Variants in LGI1 observed in about 807,000 individuals in gnomAD.
LGI1 encodes leucine-rich glioma-inactivated protein 1.
Under a neutral mutation model 57.7 loss-of-function variants are expected in LGI1, and 11 were observed. The ratio of observed to expected loss-of-function variants is 0.19; its 90% CI spans 0.12 to 0.32. LGI1 has a LOEUF of 0.32. Among genes scored for constraint, LGI1 ranks in the 10% least tolerant of loss-of-function variants. The pLI, the probability that LGI1 is intolerant of heterozygous loss-of-function variation, is 1.00. For missense variants in LGI1, 422 were observed against 661.9 expected, an observed-to-expected ratio of 0.64 and a Z score of 3.98; for synonymous variants, 222 against 241.9, an observed-to-expected ratio of 0.92 and a Z score of 0.76.
Position 93,796,963 on chromosome 10 carries a change from C to T in LGI1, c.839-5C>T, listed in dbSNP as rs1455948124. The T allele has an allele frequency of 6.2e-7, 1 of 1,608,466 alleles. No homozygotes were observed. Among genetic ancestry groups the T allele is most frequent in the South Asian group, 1.1e-5 (1 of 90,962 alleles). On this transcript the variant is annotated splice_region_variant and splice_polypyrimidine_tract_variant and intron_variant, in intron 7 of 7. Transcript: ENST00000371418. The stretch of plus-strand genomic sequence containing the variant: ...ACAACTAATCTCTCCTTTGTCTTTT[C>T]CCAGGCACATCCACTGTAGTATGCA...
intron 4 of LGI1, chr10:93,789,812 C>T: frequency 3.0e-6 from 1 of 331,000 alleles, no homozygotes; most frequent in Non-Finnish European, 5.5e-6. Context: ...GCAGAGGTTT[C>T]AGTGAGCTGA....
chr10:93,761,081 G>T (rs908963563), intron 2 of LGI1, among the ~76,000 whole-genome samples: 4 of 152,172 alleles, frequency 2.6e-5, no homozygotes, highest in Admixed American at 2.6e-4. Flanking sequence ...ATAAACTCAT[G>T]TGCGGTGTGT....
intron 2 of LGI1, among the ~76,000 whole-genome samples, chr10:93,773,419 C>G (rs1415099880): frequency 1.3e-5 from 2 of 152,082 alleles, no homozygotes; most frequent in African/African-American, 4.8e-5. Context: ...GCCTTCTGGG[C>G]CTCAGTTTCC....
chr10:93,783,295 G>A (rs1045445672), intron 4 of LGI1, among the ~76,000 whole-genome samples: 3 of 152,176 alleles, frequency 2.0e-5, no homozygotes, highest in African/African-American at 7.2e-5. Context: ...AGAATGGCGT[G>A]AACCCGGGAG....
chr10:93,783,830 G>A (rs1227786394), intron 4 of LGI1, among the ~76,000 whole-genome samples: 2 of 152,092 alleles, frequency 1.3e-5, no homozygotes, highest in African/African-American at 4.8e-5. Context: ...TGGCCAACAT[G>A]GTGAAACCCC....
chr10:93,773,545 A>G lies in LGI1; in HGVS notation c.288-3834A>G, dbSNP rs566416783. On this transcript the variant is annotated intron_variant, in intron 2 of 7. Transcript: ENST00000371418. Reference sequence around the variant, plus strand: ...GTAGGCTATTATGAAGCCAAAGATCATTATTCAAAGAATAAGCTAGTACCT... The same window carrying G: ...GTAGGCTATTATGAAGCCAAAGATCGTTATTCAAAGAATAAGCTAGTACCT... 2.0e-5 allele frequency among the ~76,000 whole-genome samples: 3 copies of G among 152,364 alleles called. No individual in the cohort carries two copies. In the East Asian group the frequency reaches 5.8e-4, roughly 29 times the overall value.
chr10:93,758,002 G>A lies in LGI1; in HGVS notation c.-143G>A. The A allele has an allele frequency of 4.0e-6, 3 of 746,034 alleles. No individual in the cohort carries two copies. Among genetic ancestry groups the A allele is most frequent in the Non-Finnish European group, 7.1e-6 (3 of 422,654 alleles). 46.2% of individuals were successfully genotyped at this position (746,034 alleles called of 1,614,324 possible). On this transcript the variant is annotated 5_prime_UTR_variant, in exon 1 of 8. Coordinates refer to ENST00000371418, the MANE Select transcript of LGI1 (RefSeq NM_005097.4). This position sits in a 1 kb window ranked among gnomAD's most constrained non-coding sequence, Gnocchi z 4.7. ...GGAGCGAGGAGAAGCTCACGAATCA[G>A]CTGCAGGTCTCTGTTTTGAAAAAGC...
chr10:93,778,247 C>T (rs2059810828), intron 4 of LGI1, among the ~76,000 whole-genome samples: 1 of 152,000 alleles, frequency 6.6e-6, no homozygotes, highest in Non-Finnish European at 1.5e-5. Flanking sequence ...AATTATCCAG[C>T]CTAAAGTGGC....
intron 2 of LGI1, chr10:93,767,851 T>A (rs1375128214): frequency 6.6e-6 from 1 of 152,190 alleles, no homozygotes; most frequent in African/African-American, 2.4e-5. Context: ...AGGAAAAGGC[T>A]TCTGAGTGTG....
chr10:93,761,218 T>C (rs1022716718), intron 2 of LGI1, among the ~76,000 whole-genome samples: 2 of 152,080 alleles, frequency 1.3e-5, no homozygotes, highest in African/African-American at 2.4e-5. Flanking sequence ...GAAAACCCCA[T>C]ATGGGCTGCC....
intron 2 of LGI1, among the ~76,000 whole-genome samples, chr10:93,762,254 A>T (rs2059632330): frequency 6.6e-6 from 1 of 152,248 alleles, no homozygotes; most frequent in South Asian, 2.1e-4. Flanking sequence ...TGTTTGAAAG[A>T]CAGAATTGAT....
Position 93,779,606 on chromosome 10 carries a change from C to T in LGI1, c.431+1989C>T, listed in dbSNP as rs115534495. On this transcript the variant is annotated intron_variant, in intron 4 of 7. Transcript: ENST00000371418. ...CTGTTTGACATCCTAGTGTAGGACACCCATTTTGTTTACTGGAGCCTATGA... is the reference window on the plus strand; with the variant it reads ...CTGTTTGACATCCTAGTGTAGGACATCCATTTTGTTTACTGGAGCCTATGA... 8.5e-3 allele frequency among the ~76,000 whole-genome samples: 1,296 copies of T among 152,178 alleles called. 18 individuals carry two copies. Among genetic ancestry groups the T allele is most frequent in the African/African-American group, 0.03 (1,233 of 41,520 alleles).
chr10:93,765,371 C>CA (rs1437338547), intron 2 of LGI1: 2 of 152,094 alleles, frequency 1.3e-5, no homozygotes. Context: ...GAGTATAAGA[C>CA]AATAAGGAGT....
Position 93,758,683 on chromosome 10 carries a change from C to A in LGI1, c.216-77C>A. The stretch of plus-strand genomic sequence containing the variant: ...TCACTGTTATGCTAAACCGGATTAA[C>A]ATAAGGTTTGTTCTGTGTGTGTGTG... On this transcript the variant is annotated intron_variant, in intron 1 of 7. Transcript: ENST00000371418. The surrounding 1 kb of genome is among the most constrained non-coding windows in gnomAD (Gnocchi z 4.7). The A allele has an allele frequency of 9.8e-7, 1 of 1,018,692 alleles. No individual in the cohort carries two copies. Among genetic ancestry groups the A allele is most frequent in the Non-Finnish European group, 1.5e-6 (1 of 650,094 alleles). 63.1% of individuals were successfully genotyped at this position (1,018,692 alleles called of 1,614,324 possible).
intron 2 of LGI1, among the ~76,000 whole-genome samples, chr10:93,761,546 G>A (rs2059623607): frequency 6.6e-6 from 1 of 152,118 alleles, no homozygotes. Flanking sequence ...AAGCTATGAT[G>A]AGAAGTACTT....
intron 2 of LGI1, among the ~76,000 whole-genome samples, chr10:93,760,277 TGTTA>T (rs1176392122): frequency 2.6e-5 from 4 of 152,132 alleles, no homozygotes; most frequent in South Asian, 2.1e-4. Context: ...CTGGGGGAAG[TGTTA>T]GTTAGCACAT....
At chr10:93,759,956 T>C (rs1443707071) in intron 2 of LGI1, among the ~76,000 whole-genome samples, 1 of 152,232 alleles carries the variant, frequency 6.6e-6, no homozygotes. Context: ...TGAGAACACA[T>C]ACTTCCAAGG....
intron 2 of LGI1, chr10:93,771,052 G>T (rs1486372437): frequency 6.6e-6 from 1 of 151,438 alleles, no homozygotes; most frequent in African/African-American, 2.4e-5. Flanking sequence ...AAAACAGTGG[G>T]AATAAAAAAA....
chr10:93,759,077 G>A (rs2059595832), intron 2 of LGI1: 3 of 519,636 alleles, frequency 5.8e-6, no homozygotes, highest in African/African-American at 1.9e-5. Flanking sequence ...TGAAGTTGTT[G>A]GAATCTTGCA....
Sources: gnomAD v4.1 joint callset for allele counts (sites outside exome capture counted in the v4.1 genomes callset) on GRCh38, gnomAD v4.1.1 for gene constraint, Gnocchi (gnomAD v3.1) non-coding constraint, MANE v1.5 for transcripts, NCBI Gene and HGNC (gene_info 2026-07-23, HGNC 2026-07-21) for gene names.